The following GNG4 variants were observed in gnomAD, a reference collection of about 807,000 sequenced individuals.
The protein encoded by GNG4 is guanine nucleotide-binding protein G(I)/G(S)/G(O) subunit gamma-4.
A neutral mutation model predicts 5.8 loss-of-function variants in GNG4; 4 were observed. The observed-to-expected ratio is 0.69, with a 90% CI of 0.34 to 1.57. GNG4 has a LOEUF of 1.57. Ranked by LOEUF, GNG4 falls within the 40% of genes most tolerant of loss-of-function variation. GNG4 has a pLI of 0.06. For synonymous variants in GNG4, 29 were observed against 32.9 expected, an observed-to-expected ratio of 0.88 and a Z score of 0.41; for missense variants, 96 against 95.1, an observed-to-expected ratio of 1.01 and a Z score of -0.04.
upstream of GNG4, chr1:235,650,560 C>G (rs1189483741): frequency 6.6e-6 from 1 of 152,222 alleles, no homozygotes; most frequent in East Asian, 1.9e-4. Context: ...TGTGCGAATT[C>G]GCGCGGCCGC....
In GNG4 at chr1:235,610,406, C is replaced by G. The variant is rs546074386; in HGVS notation, c.-122-14895G>C. On this transcript the variant is annotated intron_variant, in intron 1 of 3. Coordinates refer to ENST00000391854, the MANE Select transcript of GNG4 (RefSeq NM_001098722.2). ...CTGCCAAGTTTCTTCACTGTAGTTA[C>G]TTTTTATTTTTGTAATGAATAAGAA... 1.2e-4 allele frequency among the ~76,000 whole-genome samples: 19 copies of G among 152,262 alleles called. No homozygotes were observed. The South Asian group carries it at 3.9e-3, about 32-fold the overall frequency.
chr1:235,575,783 C>T lies in GNG4; in HGVS notation c.99+7957G>A, dbSNP rs1687468397. Reference sequence around the variant, plus strand: ...GATTGACCCAATGTCAGCAATTTCCCTTTCCTGTGGGGCAGGAGAATCAGG... The same window carrying T: ...GATTGACCCAATGTCAGCAATTTCCTTTTCCTGTGGGGCAGGAGAATCAGG... On this transcript the variant is annotated intron_variant, in intron 3 of 3. Coordinates refer to ENST00000391854, the MANE Select transcript of GNG4 (RefSeq NM_001098722.2). Among the ~76,000 whole-genome samples the T allele has an allele frequency of 1.3e-5, 2 of 152,232 alleles. 1 individual carries two copies. Among genetic ancestry groups the T allele is most frequent in the Non-Finnish European group, 2.9e-5 (2 of 68,040 alleles).
At chr1:235,608,673 GTTTTTTA>G (rs1350710821) in intron 1 of GNG4, among the ~76,000 whole-genome samples, 1 of 145,674 alleles carries the variant, frequency 6.9e-6, no homozygotes, top group African/African-American at 2.7e-5. Flanking sequence ...TTTTTACTTA[GTTTTTTA>G]TTTTTTATTT....
chr1:235,611,464 G>A (rs1056799951), intron 1 of GNG4, among the ~76,000 whole-genome samples: 10 of 152,086 alleles, frequency 6.6e-5, no homozygotes, highest in Non-Finnish European at 1.5e-4. Context: ...GTGGGCCATT[G>A]CGTCCTCCCT....
intron 3 of GNG4, among the ~76,000 whole-genome samples, chr1:235,569,381 C>T (rs745551624): frequency 2.0e-5 from 3 of 150,582 alleles, no homozygotes; most frequent in Non-Finnish European, 4.4e-5. Context: ...TAGCTCGAGC[C>T]GGGAAGGCGG....
At chr1:235,564,445 A>T (rs1314909091) in intron 3 of GNG4, among the ~76,000 whole-genome samples, 1 of 152,206 alleles carries the variant, frequency 6.6e-6, no homozygotes, top group African/African-American at 2.4e-5. Context: ...AGTTGAAACT[A>T]ACCAACTAAC....
At chr1:235,580,080 C>T (rs1225948858) in intron 3 of GNG4, among the ~76,000 whole-genome samples, 2 of 152,066 alleles carry the variant, frequency 1.3e-5, no homozygotes, top group Admixed American at 6.5e-5. Context: ...ACAACTCAGC[C>T]CTGAAAAGGA....
At chr1:235,650,301 G>A (rs1164749723), upstream of GNG4, among the ~76,000 whole-genome samples, 2 of 148,494 alleles carry the variant, frequency 1.3e-5, no homozygotes, top group South Asian at 2.1e-4. Flanking sequence ...GAGATCACTG[G>A]AGGGATCTGC....
chr1:235,627,410 A>C (rs942583726), intron 1 of GNG4, among the ~76,000 whole-genome samples: 1 of 151,956 alleles, frequency 6.6e-6, no homozygotes, highest in African/African-American at 2.4e-5. Flanking sequence ...TTTAGTAGAG[A>C]TGGGGTTTCA....
chr1:235,567,895 T>C (rs1687239160), intron 3 of GNG4, among the ~76,000 whole-genome samples: 1 of 152,126 alleles, frequency 6.6e-6, no homozygotes, highest in African/African-American at 2.4e-5. Context: ...GGAATCCTGA[T>C]AAATAAGCAA....
intron 3 of GNG4, among the ~76,000 whole-genome samples, chr1:235,572,495 C>CTTTTT (rs1261290924): frequency 8.9e-5 from 10 of 112,782 alleles, no homozygotes; most frequent in African/African-American, 3.2e-4. Context: ...CCACCGTGCT[C>CTTTTT]TTTTTTTTTT....
intron 1 of GNG4, among the ~76,000 whole-genome samples, chr1:235,612,522 A>C (rs999132131): frequency 5.3e-5 from 8 of 152,146 alleles, no homozygotes; most frequent in African/African-American, 1.2e-4. Flanking sequence ...ACAAAATACC[A>C]TAAATTGGGT....
At position 235,642,021 on chromosome 1, in the gene GNG4, C is replaced by A. The variant is rs541566181; in HGVS notation, c.-123+7641G>T. On this transcript the variant is annotated intron_variant, in intron 1 of 3. Coordinates refer to ENST00000391854, the MANE Select transcript of GNG4 (RefSeq NM_001098722.2). The surrounding 1 kb of genome is among the most constrained non-coding windows in gnomAD (Gnocchi z 4.3). ...CTTCCATGAGGGCGGGGATTTTTCG[C>A]TTCCCCCGCAACTGCCTGCGTTTTC... Among the ~76,000 whole-genome samples the A allele has an allele frequency of 6.6e-6, 1 of 152,374 alleles. No individual in the cohort carries two copies. Among genetic ancestry groups the A allele is most frequent in the South Asian group, 2.1e-4 (1 of 4,830 alleles).
At chr1:235,557,607 T>C (rs1024155416) in intron 3 of GNG4, among the ~76,000 whole-genome samples, 1 of 152,118 alleles carries the variant, frequency 6.6e-6, no homozygotes, top group Non-Finnish European at 1.5e-5. Flanking sequence ...TCTCTTCCCA[T>C]TGATCAGTTT....
chr1:235,638,482 ATT>A (rs34999365), intron 1 of GNG4, among the ~76,000 whole-genome samples: 78,372 of 147,624 alleles, frequency 0.53, 22,729 homozygotes, highest in East Asian at 0.85. Context: ...CTCCTCCTGC[ATT>A]TTTTTTTTTT....
At chr1:235,609,117 G>A (rs1688424095) in intron 1 of GNG4, among the ~76,000 whole-genome samples, 1 of 152,132 alleles carries the variant, frequency 6.6e-6, no homozygotes, top group South Asian at 2.1e-4. Context: ...GTAGGCATGA[G>A]CCACCGCACC....
chr1:235,573,918 T>C (rs1329693838), intron 3 of GNG4, among the ~76,000 whole-genome samples: 2 of 152,222 alleles, frequency 1.3e-5, no homozygotes, highest in African/African-American at 4.8e-5. Flanking sequence ...GACCTTGTTA[T>C]ATGATCACAA....
intron 3 of GNG4, among the ~76,000 whole-genome samples, chr1:235,569,217 G>T (rs1687275228): frequency 6.6e-6 from 1 of 152,116 alleles, no homozygotes; most frequent in African/African-American, 2.4e-5. Context: ...CACATATTAA[G>T]AATGTACCAA....
At chr1:235,637,106 A>G (rs193212780) in intron 1 of GNG4, among the ~76,000 whole-genome samples, 167 of 152,098 alleles carry the variant, frequency 1.1e-3, no homozygotes, top group African/African-American at 3.7e-3. Context: ...GTAAAGATCA[A>G]GTGGACAGGG....
Sources: gnomAD v4.1 joint callset for allele counts (sites outside exome capture counted in the v4.1 genomes callset) on GRCh38, gnomAD v4.1.1 for gene constraint, Gnocchi (gnomAD v3.1) non-coding constraint, MANE v1.5 for transcripts, NCBI Gene and HGNC (gene_info 2026-07-23, HGNC 2026-07-21) for gene names.